Variants in SLCO1B3 observed in about 807,000 individuals in gnomAD.
SLCO1B3 encodes solute carrier organic anion transporter family member 1B3, also known as liver-specific organic anion transporter 2.
A neutral mutation model predicts 71.8 loss-of-function variants in SLCO1B3; 72 were observed. The ratio of observed to expected loss-of-function variants is 1.00; its 90% CI spans 0.83 to 1.22. SLCO1B3 has a LOEUF of 1.22. SLCO1B3 is among the 50% of genes most tolerant of loss of function. SLCO1B3 has a pLI of 0.00. For synonymous variants in SLCO1B3, 298 were observed against 278.4 expected (o/e 1.07, Z -0.70); for missense variants, 911 against 819.7 (o/e 1.11, Z -1.36).
chr12:20,905,939 A>C (rs1378433432), intron 15 of SLCO1B3, among the ~76,000 whole-genome samples: 1 of 152,176 alleles, frequency 6.6e-6, no homozygotes, highest in South Asian at 2.1e-4. Context: ...ACTTACAGTC[A>C]TGGTGGAAGG....
chr12:20,822,596 G>T (rs1864336942), intron 3 of SLCO1B3, among the ~76,000 whole-genome samples: 1 of 152,130 alleles, frequency 6.6e-6, no homozygotes. Flanking sequence ...GGATGGCTTG[G>T]CTTGGGCTCA....
rs534482979 is a variant in SLCO1B3 at position 20,847,468 on chromosome 12, A to G, written c.85-7560A>G. On this transcript the variant is annotated intron_variant, in intron 3 of 15. Coordinates refer to ENST00000381545, the MANE Select transcript of SLCO1B3 (RefSeq NM_019844.4). ...AGTAGAAGCTAGCTGTCTTCAACCT[A>G]AAAGAGGGCCTTCACCAGAATTCAA... 1.1e-4 allele frequency among the ~76,000 whole-genome samples: 17 copies of G among 152,250 alleles called. No homozygotes were observed. The South Asian group carries it at 3.5e-3, about 32-fold the overall frequency.
At chr12:20,882,640 A>G (rs1865715472) in intron 12 of SLCO1B3, among the ~76,000 whole-genome samples, 1 of 152,012 alleles carries the variant, frequency 6.6e-6, no homozygotes, top group African/African-American at 2.4e-5. Flanking sequence ...TCGTGACCTC[A>G]TGATACGCCT....
chr12:20,856,946 C>T (rs753016273), intron 4 of SLCO1B3, among the ~76,000 whole-genome samples: 1 of 138,738 alleles, frequency 7.2e-6, no homozygotes, highest in Non-Finnish European at 1.6e-5. Context: ...CCAGTGGACA[C>T]GAGGGATGAC....
At chr12:20,819,682 C>T (rs1361236424) in intron 3 of SLCO1B3, among the ~76,000 whole-genome samples, 2 of 152,108 alleles carry the variant, frequency 1.3e-5, no homozygotes, top group East Asian at 1.9e-4. Context: ...AGTTTATAGG[C>T]TTTAAAAGGC....
intron 14 of SLCO1B3, among the ~76,000 whole-genome samples, chr12:20,899,851 A>G (rs905216420): frequency 4.6e-5 from 7 of 152,342 alleles, no homozygotes; most frequent in African/African-American, 7.2e-5. Context: ...GTTATGTCCA[A>G]TATATGGCAC....
In SLCO1B3 at chr12:20,850,689, A is replaced by G. The variant is rs371477842; in HGVS notation, c.85-4339A>G. Among the ~76,000 whole-genome samples the G allele has an allele frequency of 8.2e-4, 125 of 152,158 alleles. 2 individuals are homozygous for G. The South Asian group carries it at 0.025, about 30-fold the overall frequency. On this transcript the variant is annotated intron_variant, in intron 3 of 15. Coordinates refer to ENST00000381545, the MANE Select transcript of SLCO1B3 (RefSeq NM_019844.4). ...CCACCCTCAGGTAGCCACAATGTCT[A>G]TTGTTCCCTTCTTTGTATCCATATG...
intron 8 of SLCO1B3, among the ~76,000 whole-genome samples, chr12:20,866,066 C>G (rs951220965): frequency 6.6e-6 from 1 of 152,036 alleles, no homozygotes; most frequent in African/African-American, 2.4e-5. Flanking sequence ...CTTGTGTTTT[C>G]TGCGTATTTT....
At chr12:20,830,178 G>A (rs867941268) in intron 3 of SLCO1B3, among the ~76,000 whole-genome samples, 4 of 152,148 alleles carry the variant, frequency 2.6e-5, no homozygotes, top group Non-Finnish European at 4.4e-5. Flanking sequence ...CCTGGCGCCC[G>A]TAAGAGCCTT....
intron 3 of SLCO1B3, among the ~76,000 whole-genome samples, chr12:20,846,842 C>T (rs1267488144): frequency 2.0e-5 from 3 of 151,154 alleles, no homozygotes; most frequent in East Asian, 3.9e-4. Context: ...GAAATTTTAC[C>T]GTATTACACT....
At chr12:20,822,557 C>T (rs117701375) in intron 3 of SLCO1B3, among the ~76,000 whole-genome samples, 1,984 of 152,154 alleles carry the variant, frequency 0.013, 18 homozygotes, top group Non-Finnish European at 0.021. Flanking sequence ...CAGGCCATCT[C>T]GGCGTATACG....
At chr12:20,864,573 C>T (rs535638809) in intron 8 of SLCO1B3, among the ~76,000 whole-genome samples, 12 of 152,076 alleles carry the variant, frequency 7.9e-5, no homozygotes, top group African/African-American at 1.9e-4. Flanking sequence ...TGTAGCTACA[C>T]GTTATGTACA....
rs1451011451 is a variant in SLCO1B3, at chr12:20,860,454, C to A, written c.360-563C>A. ...AAATGCCTGGCACACTATATGTTGT[C>A]CTTAGAACTCACAGAGCGGTTAGTA... On this transcript the variant is annotated intron_variant, in intron 5 of 15. Transcript: ENST00000381545. Among the ~76,000 whole-genome samples, 7 of 152,090 alleles carry A rather than the reference C, an allele frequency of 4.6e-5. No individual in the cohort carries two copies. The East Asian group carries it at 1.3e-3, about 29-fold the overall frequency.
chr12:20,900,002 A>C (rs952110470), intron 14 of SLCO1B3, among the ~76,000 whole-genome samples: 2 of 152,194 alleles, frequency 1.3e-5, no homozygotes, highest in Non-Finnish European at 2.9e-5. Flanking sequence ...GTATTTAGAA[A>C]ATAGGTTATC....
chr12:20,888,220 T>A (rs760900419), intron 13 of SLCO1B3, among the ~76,000 whole-genome samples: 1 of 152,038 alleles, frequency 6.6e-6, no homozygotes, highest in Non-Finnish European at 1.5e-5. Context: ...TTTGGTTCCG[T>A]ATGAATTTTA....
At chr12:20,823,418 A>G (rs1864358588) in intron 3 of SLCO1B3, among the ~76,000 whole-genome samples, 1 of 152,200 alleles carries the variant, frequency 6.6e-6, no homozygotes, top group Non-Finnish European at 1.5e-5. Flanking sequence ...AGAAAATAAT[A>G]AAAACTGATA....
intron 8 of SLCO1B3, 44 bp downstream of exon 8, chr12:20,862,898 T>C (rs1565593695): frequency 9.9e-7 from 1 of 1,010,734 alleles, no homozygotes. Flanking sequence ...GTCTTTTAAG[T>C]GCAGGACACC....
At position 20,877,955 on chromosome 12, in the gene SLCO1B3, C is replaced by A; in HGVS notation, c.1135+19C>A. On this transcript the variant is annotated intron_variant, in intron 10 of 15. Coordinates refer to ENST00000381545, the MANE Select transcript of SLCO1B3 (RefSeq NM_019844.4). ...TTGTTGGGTAAGACATATTTTTTACCTGTTTGCTTGATAAATGAAACACTG... is the reference window on the plus strand; with the variant it reads ...TTGTTGGGTAAGACATATTTTTTACATGTTTGCTTGATAAATGAAACACTG... The A allele has an allele frequency of 1.9e-6, 3 of 1,546,664 alleles. No individual in the cohort carries two copies. The highest frequency in any genetic ancestry group is 2.6e-6 in the Non-Finnish European group (3 of 1,141,512).
chr12:20,858,643 A>G (rs1865190890), intron 5 of SLCO1B3, 72 bp downstream of exon 5: 2 of 1,437,916 alleles, frequency 1.4e-6, no homozygotes, highest in African/African-American at 1.4e-5. Flanking sequence ...TTATTTTTAT[A>G]CTTGTAAGTG....
Sources: gnomAD v4.1 joint callset for allele counts (sites outside exome capture counted in the v4.1 genomes callset) on GRCh38, gnomAD v4.1.1 for gene constraint, MANE v1.5 for transcripts, NCBI Gene and HGNC (gene_info 2026-07-23, HGNC 2026-07-21) for gene names.